RARB: variants seen among roughly 807,000 people sequenced by gnomAD.
RARB encodes retinoic acid receptor beta.
Under a neutral mutation model 51.9 loss-of-function variants are expected in RARB, and 17 were observed. The observed-to-expected ratio is 0.33, with a 90% confidence interval of 0.22 to 0.49. RARB has a LOEUF of 0.49. Ranked by LOEUF, RARB falls within the 20% of genes least tolerant of loss-of-function variation. RARB has a pLI of 0.99. For synonymous variants in RARB, 215 were observed against 195.4 expected (o/e 1.10, Z -0.84); for missense variants, 369 against 550.8 (o/e 0.67, Z 3.30).
chr3:25,118,520 T>C (rs1047923666), intron 3 of RARB, among the ~76,000 whole-genome samples: 5 of 152,158 alleles, frequency 3.3e-5, no homozygotes, highest in Admixed American at 3.3e-4. Flanking sequence ...GAATCCTCCA[T>C]AGGTGCATCT....
chr3:24,857,609 C>G (rs1178698704), intron 1 of RARB, among the ~76,000 whole-genome samples: 1 of 152,198 alleles, frequency 6.6e-6, no homozygotes, highest in Non-Finnish European at 1.5e-5. Flanking sequence ...ACACTAGTTA[C>G]TCCTCTTTAA....
chr3:25,249,354 A>G (rs1575255959), intron 5 of RARB, among the ~76,000 whole-genome samples: 1 of 152,008 alleles, frequency 6.6e-6, no homozygotes, highest in Middle Eastern at 3.4e-3. Flanking sequence ...ATTTCTTTGT[A>G]TTGTTCATTT....
At chr3:25,347,320 C>T (rs1425630367) in intron 5 of RARB, among the ~76,000 whole-genome samples, 3 of 152,152 alleles carry the variant, frequency 2.0e-5, no homozygotes, top group Non-Finnish European at 4.4e-5. Context: ...AGGCTTTCCA[C>T]CCTTCATGGC....
At chr3:24,908,798 A>G (rs937718273) in intron 2 of RARB, among the ~76,000 whole-genome samples, 3 of 151,826 alleles carry the variant, frequency 2.0e-5, no homozygotes, top group Non-Finnish European at 2.9e-5. Context: ...TCTATAAACC[A>G]TTGACATGAA....
chr3:24,865,097 G>T (rs1353474776), intron 2 of RARB, among the ~76,000 whole-genome samples: 1 of 151,906 alleles, frequency 6.6e-6, no homozygotes, highest in Admixed American at 6.6e-5. Context: ...AAGTTCTGAG[G>T]GTCCCTTCAT....
At chr3:24,882,104 G>A (rs1326204959) in intron 2 of RARB, among the ~76,000 whole-genome samples, 1 of 152,172 alleles carries the variant, frequency 6.6e-6, no homozygotes, top group African/African-American at 2.4e-5. Flanking sequence ...TCTATAGGAG[G>A]CTGATAGGTA....
chr3:25,030,230 G>T (rs1199704019), intron 2 of RARB, among the ~76,000 whole-genome samples: 4 of 152,198 alleles, frequency 2.6e-5, no homozygotes, highest in African/African-American at 9.6e-5. Context: ...TGTTCAACTT[G>T]TGTTTTATAT....
chr3:25,087,255 A>G (rs971084145), intron 3 of RARB, among the ~76,000 whole-genome samples: 9 of 152,128 alleles, frequency 5.9e-5, no homozygotes, highest in Non-Finnish European at 1.3e-4. Flanking sequence ...CTAGTGTTTC[A>G]GATTTACTTT....
chr3:24,930,545 C>A (rs189616503), intron 2 of RARB, among the ~76,000 whole-genome samples: 1 of 152,104 alleles, frequency 6.6e-6, no homozygotes, highest in East Asian at 1.9e-4. Flanking sequence ...TCTCCTTCAA[C>A]GTTTTATCCC....
At chr3:24,982,665 A>T (rs1284434093) in intron 2 of RARB, among the ~76,000 whole-genome samples, 1 of 152,166 alleles carries the variant, frequency 6.6e-6, no homozygotes, top group African/African-American at 2.4e-5. Context: ...TCCTCTTTCC[A>T]TAATTCCCTG....
chr3:24,986,884 C>T (rs993762147), intron 2 of RARB, among the ~76,000 whole-genome samples: 3 of 152,128 alleles, frequency 2.0e-5, no homozygotes, highest in Admixed American at 6.5e-5. Context: ...TTTTACCTCT[C>T]AGTGGGGTGC....
chr3:25,512,111 G>A (rs995302570), intron 3 of RARB, among the ~76,000 whole-genome samples: 1 of 152,118 alleles, frequency 6.6e-6, no homozygotes, highest in Non-Finnish European at 1.5e-5. Flanking sequence ...ATTGTGAGAA[G>A]GAAATGAATT....
intron 2 of RARB, among the ~76,000 whole-genome samples, chr3:25,495,080 T>C (rs1358747378): frequency 6.6e-6 from 1 of 152,162 alleles, no homozygotes; most frequent in Non-Finnish European, 1.5e-5. Flanking sequence ...CAAATCCACA[T>C]GTGCCTGAAC....
At chr3:24,899,368 A>G (rs995197890) in intron 2 of RARB, among the ~76,000 whole-genome samples, 1 of 152,184 alleles carries the variant, frequency 6.6e-6, no homozygotes, top group Non-Finnish European at 1.5e-5. Flanking sequence ...TCGGCAGCCT[A>G]GAATAGGTAC....
intron 5 of RARB, among the ~76,000 whole-genome samples, chr3:25,194,165 C>T (rs890543618): frequency 6.6e-6 from 1 of 151,748 alleles, no homozygotes; most frequent in African/African-American, 2.4e-5. Flanking sequence ...TAGAAAAATA[C>T]TTCACAGTCT....
intron 3 of RARB, among the ~76,000 whole-genome samples, chr3:25,066,559 T>G (rs1156378568): frequency 4.6e-5 from 7 of 151,860 alleles, no homozygotes; most frequent in Admixed American, 4.6e-4. Flanking sequence ...ACTCTCCTGA[T>G]TCTGTGTGTA....
intron 5 of RARB, among the ~76,000 whole-genome samples, chr3:25,240,529 T>C (rs1416405582): frequency 6.6e-6 from 1 of 152,192 alleles, no homozygotes; most frequent in Non-Finnish European, 1.5e-5. Flanking sequence ...TGTTGATAGT[T>C]TTTTATCATG....
Position 25,593,604 on chromosome 3 carries a change from T to G in RARB, c.888T>G (p.Gly296=), listed in dbSNP as rs1701699018. The change falls in exon 6 of 8, where the codon GGT becomes GGG. Residue 296 remains glycine, a synonymous_variant. Transcript: ENST00000330688. ...CTCAGATGCACAATGCTGGATTTGG[T>G]CCTCTGACTGACCTTGTGTTCACCT... ...NRTQMHNAGF[G]PLTDLVFTFA... is the part of the protein sequence containing the mutation. 2 of 1,614,076 alleles carry G rather than the reference T, an allele frequency of 1.2e-6. No individual in the cohort carries two copies. The highest frequency in any genetic ancestry group is 2.7e-5 in the African/African-American group (2 of 75,024).
intron 5 of RARB, among the ~76,000 whole-genome samples, chr3:25,265,599 A>C (rs901518633): frequency 6.6e-6 from 1 of 152,094 alleles, no homozygotes; most frequent in Non-Finnish European, 1.5e-5. Context: ...CAGCCTCTTA[A>C]GTAGCTGAGA....
Sources: gnomAD v4.1 joint callset for allele counts (sites outside exome capture counted in the v4.1 genomes callset) on GRCh38, gnomAD v4.1.1 for gene constraint, MANE v1.5 for transcripts, NCBI Gene and HGNC (gene_info 2026-07-23, HGNC 2026-07-21) for gene names.